Variants in GSG1L observed in about 807,000 individuals in gnomAD.
GSG1L encodes the protein germ cell-specific gene 1-like protein.
A neutral mutation model predicts 42.1 loss-of-function variants in GSG1L; 24 were observed. That is an observed-to-expected ratio of 0.57 (90% CI 0.41 to 0.80). GSG1L has a LOEUF of 0.80. Among genes scored for constraint, GSG1L ranks in the 30% least tolerant of loss-of-function variants. The pLI is 0.00. For synonymous variants in GSG1L, 215 were observed against 203.5 expected, an observed-to-expected ratio of 1.06 and a Z score of -0.48; for missense variants, 445 against 472.2, an observed-to-expected ratio of 0.94 and a Z score of 0.53.
At chr16:27,845,253 CTTTT>C (rs1309424928) in intron 3 of GSG1L, among the ~76,000 whole-genome samples, 192 bp from the exon 4 acceptor site, 4 of 152,140 alleles carry the variant, frequency 2.6e-5, no homozygotes, top group African/African-American at 9.7e-5. Context: ...TTCTTTCTTT[CTTTT>C]TGTTTTTAAG....
At chr16:27,946,802 G>A (rs937793696) in intron 2 of GSG1L, among the ~76,000 whole-genome samples, 3 of 152,146 alleles carry the variant, frequency 2.0e-5, no homozygotes, top group African/African-American at 7.2e-5. Context: ...AACGCAAACT[G>A]AGTTATTCCA....
At chr16:28,010,801 G>C (rs1273400468) in intron 1 of GSG1L, among the ~76,000 whole-genome samples, 2 of 152,180 alleles carry the variant, frequency 1.3e-5, no homozygotes, top group Non-Finnish European at 2.9e-5. Flanking sequence ...CAGGAGTGGG[G>C]AGCGTGTCAT....
chr16:27,911,331 C>G (rs549603111), intron 2 of GSG1L, among the ~76,000 whole-genome samples: 1 of 148,808 alleles, frequency 6.7e-6, no homozygotes, highest in Admixed American at 6.7e-5. Flanking sequence ...CACTCTGTCA[C>G]CCAGGCTGGA....
At chr16:28,035,880 C>A (rs1257887592) in intron 1 of GSG1L, among the ~76,000 whole-genome samples, 1 of 152,174 alleles carries the variant, frequency 6.6e-6, no homozygotes, top group Non-Finnish European at 1.5e-5. Context: ...TGCTTCCAGA[C>A]CCCAGTCCCT....
At chr16:28,054,763 C>T (rs1293877393) in intron 1 of GSG1L, among the ~76,000 whole-genome samples, 3 of 152,002 alleles carry the variant, frequency 2.0e-5, no homozygotes, top group Admixed American at 6.5e-5. Flanking sequence ...TGCAAATTGA[C>T]GGGACAAGGG....
chr16:27,978,888 G>C (rs991308758), intron 1 of GSG1L, among the ~76,000 whole-genome samples: 1 of 152,054 alleles, frequency 6.6e-6, no homozygotes, highest in Non-Finnish European at 1.5e-5. Context: ...CATAAAACAA[G>C]ACATCTTCAG....
chr16:27,837,394 T>C (rs1048439023), intron 4 of GSG1L, among the ~76,000 whole-genome samples: 4 of 152,144 alleles, frequency 2.6e-5, no homozygotes, highest in African/African-American at 4.8e-5. Flanking sequence ...TCAGCCACCA[T>C]TGACATTCAA....
At chr16:27,815,317 T>C (rs1489331538) in intron 5 of GSG1L, among the ~76,000 whole-genome samples, 1 of 152,126 alleles carries the variant, frequency 6.6e-6, no homozygotes, top group Non-Finnish European at 1.5e-5. Flanking sequence ...TCTCCACCTC[T>C]CTCTTGCTCC....
chr16:27,875,281 A>G (rs2083873523), intron 3 of GSG1L, among the ~76,000 whole-genome samples: 1 of 152,070 alleles, frequency 6.6e-6, no homozygotes, highest in East Asian at 1.9e-4. Context: ...TTGAGTGAAC[A>G]GTTTTGGGGT....
intron 1 of GSG1L, among the ~76,000 whole-genome samples, chr16:27,984,200 A>G (rs2085355225): frequency 6.6e-6 from 1 of 152,130 alleles, no homozygotes; most frequent in African/African-American, 2.4e-5. Flanking sequence ...TTTCTCTCTG[A>G]GAAACGGGAT....
intron 1 of GSG1L, among the ~76,000 whole-genome samples, chr16:28,052,974 G>T (rs547761331): frequency 6.6e-6 from 1 of 152,318 alleles, no homozygotes; most frequent in East Asian, 1.9e-4. Flanking sequence ...CCCTCAAGGT[G>T]GGGCCCGGGC....
At chr16:28,051,587 G>A (rs1421884621) in intron 1 of GSG1L, among the ~76,000 whole-genome samples, 2 of 151,986 alleles carry the variant, frequency 1.3e-5, no homozygotes, top group African/African-American at 4.8e-5. Flanking sequence ...GGCCAAGGAA[G>A]ACCTCATTCA....
intron 2 of GSG1L, among the ~76,000 whole-genome samples, chr16:27,886,214 T>A (rs962072242): frequency 6.6e-6 from 1 of 152,116 alleles, no homozygotes; most frequent in African/African-American, 2.4e-5. Context: ...CTGAGGCAGA[T>A]GGATCACTTG....
intron 1 of GSG1L, among the ~76,000 whole-genome samples, chr16:27,972,940 G>A (rs995069326): frequency 6.6e-6 from 1 of 152,238 alleles, no homozygotes; most frequent in Admixed American, 6.6e-5. Context: ...CTTCAGGGAA[G>A]GGCATTTATG....
rs2141086471 is a variant in GSG1L, at chr16:27,944,010, C to T, written c.397+19146G>A. Among the ~76,000 whole-genome samples the T allele has an allele frequency of 1.3e-5, 2 of 152,250 alleles. 1 individual carries two copies. The highest frequency in any genetic ancestry group is 4.1e-4 in the South Asian group (2 of 4,822). On this transcript the variant is annotated intron_variant, in intron 2 of 6. Coordinates refer to ENST00000447459, the MANE Select transcript of GSG1L (RefSeq NM_001109763.2). ...AAACTTTATTTACAAAAAAACACAA[C>T]AGGCCATAGTTTGGCAACCCTTGTT...
At chr16:27,886,401 C>T (rs2084030454) in intron 2 of GSG1L, among the ~76,000 whole-genome samples, 1 of 152,208 alleles carries the variant, frequency 6.6e-6, no homozygotes, top group Admixed American at 6.5e-5. Context: ...GATAGCACCA[C>T]TGCACTCCAG....
intron 5 of GSG1L, 126 bp downstream of exon 5, chr16:27,828,663 C>A: frequency 2.4e-6 from 2 of 846,808 alleles, no homozygotes; most frequent in Middle Eastern, 5.6e-4. Flanking sequence ...CTTCTGCCTC[C>A]CCCCTCCATA....
At chr16:27,893,136 CA>C (rs1232595097) in intron 2 of GSG1L, among the ~76,000 whole-genome samples, 2 of 152,146 alleles carry the variant, frequency 1.3e-5, no homozygotes, top group Non-Finnish European at 2.9e-5. Context: ...AGGTGACCTC[CA>C]GGGGGCAGAA....
intron 1 of GSG1L, among the ~76,000 whole-genome samples, chr16:28,057,058 G>GTGGC (rs2086287923): frequency 6.6e-6 from 1 of 152,170 alleles, no homozygotes; most frequent in South Asian, 2.1e-4. Flanking sequence ...GGAGGCCGGT[G>GTGGC]TGGCTGAAGA....
Sources: gnomAD v4.1 joint callset for allele counts (sites outside exome capture counted in the v4.1 genomes callset) on GRCh38, gnomAD v4.1.1 for gene constraint, MANE v1.5 for transcripts, NCBI Gene and HGNC (gene_info 2026-07-23, HGNC 2026-07-21) for gene names.